RELCH: variants seen among roughly 807,000 people sequenced by gnomAD.
RELCH encodes RAB11-binding protein RELCH.
A neutral mutation model predicts 150.3 loss-of-function variants in RELCH; 41 were observed. That is an observed-to-expected ratio of 0.27 (90% CI 0.21 to 0.35). The LOEUF is 0.35. RELCH is among the 10% of genes least tolerant of loss of function. RELCH has a pLI of 1.00. For synonymous variants in RELCH, 478 were observed against 531.8 expected (o/e 0.90, Z 1.39); for missense variants, 1,092 against 1,467.8 (o/e 0.74, Z 4.18).
Position 62,232,454 on chromosome 18 carries a change from C to T in RELCH, c.1620+27C>T, listed in dbSNP as rs1261945211. 3.8e-6 allele frequency: 5 copies of T among 1,313,652 alleles called. No individual in the cohort carries two copies. The East Asian group carries it at 7.0e-5, about 18-fold the overall frequency. 81.4% of individuals were successfully genotyped at this position (1,313,652 alleles called of 1,614,324 possible). ...TAAGACACATGAAAGTATTTTCGTC[C>T]CAGTAATCCCATCATGTTGTCCATT... On this transcript the variant is annotated intron_variant, in intron 10 of 28. Transcript: ENST00000644646.
chr18:62,266,613 T>C lies in RELCH; in HGVS notation c.2632-88T>C, dbSNP rs184472090. The C allele has an allele frequency of 3.9e-4, 286 of 724,054 alleles. 1 individual carries two copies. In the East Asian group the frequency reaches 6.3e-3, roughly 16 times the overall value. 44.9% of individuals were successfully genotyped at this position (724,054 alleles called of 1,614,324 possible). A position where few individuals can be genotyped will look rare whatever the true frequency, so the allele number is the denominator to read the frequency against. ...CTATAAAGCTAAATAAATAAATGAA[T>C]AGTAGTAGCAACAGTAGTAAACATT... On this transcript the variant is annotated intron_variant, in intron 18 of 28. Transcript: ENST00000644646.
intron 25 of RELCH, chr18:62,284,511 T>C (rs1264290846): frequency 1.3e-5 from 2 of 152,244 alleles, no homozygotes; most frequent in South Asian, 2.1e-4. Context: ...TTAGCCTTTT[T>C]TTCCACCTTT....
chr18:62,284,617 A>T (rs2044696105), intron 25 of RELCH, among the ~76,000 whole-genome samples: 1 of 152,178 alleles, frequency 6.6e-6, no homozygotes, highest in Non-Finnish European at 1.5e-5. Flanking sequence ...TTGAAGTAGA[A>T]CCTGTATGAA....
chr18:62,285,144 TTTG>T lies in RELCH; in HGVS notation c.3254-2201_3254-2199del, dbSNP rs1196908134. On this transcript the variant is annotated intron_variant, in intron 25 of 28. Coordinates refer to ENST00000644646, the MANE Select transcript of RELCH (RefSeq NM_001346231.2). ...TTTTGTTTGTTTGTTTGTTTGTTTGTTTGTTGTTTCTGAGGCAGAGTCTTGCTC... is the reference window on the plus strand; with the variant it reads ...TTTTGTTTGTTTGTTTGTTTGTTTGTTTGTTTCTGAGGCAGAGTCTTGCTC... Among the ~76,000 whole-genome samples, 3 of 151,732 alleles carry T rather than the reference TTTG, an allele frequency of 2.0e-5. No homozygotes were observed. The East Asian group carries it at 5.8e-4, about 29-fold the overall frequency.
chr18:62,269,001 C>T, intron 20 of RELCH, 53 bp downstream of exon 20: 3 of 880,364 alleles, frequency 3.4e-6, no homozygotes, highest in African/African-American at 1.7e-5. Flanking sequence ...TAGAAAAATG[C>T]CTAGTATTGT....
chr18:62,274,980 G>A (rs1219756265), intron 21 of RELCH, among the ~76,000 whole-genome samples: 3 of 152,162 alleles, frequency 2.0e-5, no homozygotes, highest in Non-Finnish European at 2.9e-5. Context: ...GCAGTGGTGC[G>A]ATCTCAGCTC....
intron 1 of RELCH, among the ~76,000 whole-genome samples, chr18:62,193,471 G>A (rs1310652719): frequency 6.6e-6 from 1 of 152,098 alleles, no homozygotes. Flanking sequence ...TCCAGCTTTT[G>A]CCCATTCAGT....
chr18:62,247,796 C>G (rs184057678), intron 11 of RELCH, among the ~76,000 whole-genome samples: 158 of 152,212 alleles, frequency 1.0e-3, no homozygotes, highest in Admixed American at 3.7e-3. Flanking sequence ...ATCTGCCTGC[C>G]TGGACTTTGC....
chr18:62,283,441 G>T (rs1251729992), intron 25 of RELCH, among the ~76,000 whole-genome samples: 2 of 152,154 alleles, frequency 1.3e-5, no homozygotes, highest in African/African-American at 4.8e-5. Flanking sequence ...AGGGCCACAA[G>T]TTGGGTCACT....
At chr18:62,277,074 A>G (rs1474214577) in intron 22 of RELCH, among the ~76,000 whole-genome samples, 1 of 152,068 alleles carries the variant, frequency 6.6e-6, no homozygotes, top group Non-Finnish European at 1.5e-5. Context: ...TAAATCTTTC[A>G]TCTCTAAAAT....
In RELCH at chr18:62,227,475, A is replaced by C. The variant is rs576239109; in HGVS notation, c.1045A>C (p.Thr349Pro). 5 of 1,612,914 alleles carry C rather than the reference A, an allele frequency of 3.1e-6. No homozygotes were observed. The South Asian group carries it at 4.4e-5, about 14-fold the overall frequency. ...AAGCAACCTTCCTCCAACTCTTGAA[A>C]CTCCCCAGCCTGCAGAGGTGAGAGA... The part of the protein sequence containing the change: ...IISNLPPTLE[T>P]PQPAENSMLV... Residue 349 changes from threonine (T) to proline (P), a missense_variant, in exon 6 of 29, where the codon ACT becomes CCT. Physicochemically the swap from Thr to Pro is conservative, Grantham distance 38. This residue lies in a region of RELCH where 57 missense variants were observed against 41.5 expected (regional missense o/e 1.37). Coordinates refer to ENST00000644646, the MANE Select transcript of RELCH (RefSeq NM_001346231.2).
chr18:62,214,262 C>A (rs1407945623), intron 2 of RELCH, among the ~76,000 whole-genome samples: 1 of 151,920 alleles, frequency 6.6e-6, no homozygotes, highest in African/African-American at 2.4e-5. Context: ...TGTTATTGAA[C>A]CAAATGTGTG....
intron 1 of RELCH, among the ~76,000 whole-genome samples, chr18:62,199,714 G>A (rs1253825284): frequency 1.3e-5 from 2 of 152,174 alleles, no homozygotes; most frequent in East Asian, 1.9e-4. Context: ...GAATCTAGGC[G>A]ATCAGAACCT....
chr18:62,283,111 G>C (rs2044607292), intron 25 of RELCH, among the ~76,000 whole-genome samples: 1 of 152,160 alleles, frequency 6.6e-6, no homozygotes, highest in African/African-American at 2.4e-5. Flanking sequence ...TGCTGCCTTA[G>C]AGTTTATTTT....
intron 2 of RELCH, among the ~76,000 whole-genome samples, chr18:62,211,475 T>C (rs2040166203): frequency 6.6e-6 from 1 of 152,238 alleles, no homozygotes; most frequent in Non-Finnish European, 1.5e-5. Flanking sequence ...TAAGTTATAC[T>C]TGGAGCCAGC....
intron 7 of RELCH, 71 bp from the exon 8 acceptor site, chr18:62,228,234 T>C: frequency 8.5e-7 from 1 of 1,173,700 alleles, no homozygotes; most frequent in Non-Finnish European, 1.2e-6. Flanking sequence ...TTAAACCCAT[T>C]ATGAGATTTA....
At chr18:62,266,043 T>A (rs1854652486) in intron 18 of RELCH, among the ~76,000 whole-genome samples, 1 of 151,840 alleles carries the variant, frequency 6.6e-6, no homozygotes, top group Non-Finnish European at 1.5e-5. Flanking sequence ...AGTAGCTATT[T>A]TTTTTTTTAG....
At chr18:62,251,651 T>G (rs143539848) in intron 11 of RELCH, among the ~76,000 whole-genome samples, 1 of 152,330 alleles carries the variant, frequency 6.6e-6, no homozygotes, top group Non-Finnish European at 1.5e-5. Flanking sequence ...CTACCTACCA[T>G]AGTTATCTTA....
At chr18:62,262,215 A>G (rs1347916049) in intron 16 of RELCH, among the ~76,000 whole-genome samples, 1 of 152,022 alleles carries the variant, frequency 6.6e-6, no homozygotes, top group Non-Finnish European at 1.5e-5. Context: ...AGAGGCCAGT[A>G]TTTTCTTATC....
Sources: allele counts gnomAD v4.1 joint callset (sites outside exome capture counted in the v4.1 genomes callset), GRCh38; gene constraint gnomAD v4.1.1; regional missense constraint gnomAD v4.1.1; transcripts MANE v1.5; gene names NCBI Gene and HGNC (gene_info 2026-07-23, HGNC 2026-07-21).